Variants in KCNH7 observed in about 807,000 individuals in gnomAD.
The protein encoded by KCNH7 is potassium voltage-gated channel subfamily H member 7, also known as voltage-gated inwardly rectifying potassium channel KCNH7.
KCNH7 carries 49 observed loss-of-function variants against 120.8 expected under a neutral mutation model. The ratio of observed to expected loss-of-function variants is 0.41; its 90% CI spans 0.32 to 0.51. The LOEUF is 0.51. Ranked by LOEUF, KCNH7 falls within the 20% of genes least tolerant of loss-of-function variation. KCNH7 has a pLI of 0.38. For missense variants in KCNH7, 1,097 were observed against 1,446.6 expected (o/e 0.76, Z 3.92); for synonymous variants, 547 against 516.1 (o/e 1.06, Z -0.81).
At chr2:162,821,925 C>T (rs977674012) in intron 2 of KCNH7, among the ~76,000 whole-genome samples, 1 of 151,674 alleles carries the variant, frequency 6.6e-6, no homozygotes, top group Admixed American at 6.6e-5. Context: ...AAACACCATA[C>T]TGAAATTGTT....
intron 2 of KCNH7, among the ~76,000 whole-genome samples, chr2:162,611,397 C>T (rs912048069): frequency 6.6e-6 from 1 of 152,218 alleles, no homozygotes; most frequent in South Asian, 2.1e-4. Context: ...TGACTTTTGC[C>T]TTCTGGTACA....
chr2:162,428,800 G>T (rs1212730355), intron 8 of KCNH7, among the ~76,000 whole-genome samples: 1 of 151,726 alleles, frequency 6.6e-6, no homozygotes, highest in South Asian at 2.1e-4. Flanking sequence ...AGTTAATAAC[G>T]CTACATTGTC....
chr2:162,690,321 C>G (rs1360164597), intron 2 of KCNH7, among the ~76,000 whole-genome samples: 1 of 152,012 alleles, frequency 6.6e-6, no homozygotes, highest in Admixed American at 6.6e-5. Context: ...GTACAACAAA[C>G]CCCCATGACA....
intron 2 of KCNH7, among the ~76,000 whole-genome samples, chr2:162,560,875 G>A (rs1693037765): frequency 1.3e-5 from 2 of 152,144 alleles, no homozygotes; most frequent in African/African-American, 4.8e-5. Flanking sequence ...TTTAAAAGGT[G>A]ACTCTTTAGC....
chr2:162,380,403 G>C (rs1686375462), intron 13 of KCNH7, among the ~76,000 whole-genome samples: 1 of 152,024 alleles, frequency 6.6e-6, no homozygotes, highest in African/African-American at 2.4e-5. Context: ...ATTATCTAGG[G>C]TTTAAGATTT....
Position 162,383,182 on chromosome 2 carries a change from A to G in KCNH7, c.2962+1506T>C, listed in dbSNP as rs866172516. 3.9e-5 allele frequency among the ~76,000 whole-genome samples: 6 copies of G among 152,074 alleles called. No individual in the cohort carries two copies. The Middle Eastern group carries it at 0.01, about 259-fold the overall frequency. On this transcript the variant is annotated intron_variant, in intron 13 of 15. Transcript: ENST00000332142. Reference sequence around the variant, plus strand: ...TTGAGACTCTAAAACTCAAGGGGAAAACAACAAGCATTCTTATTAGGTTCA... The same window carrying G: ...TTGAGACTCTAAAACTCAAGGGGAAGACAACAAGCATTCTTATTAGGTTCA...
chr2:162,811,759 A>C (rs1684741082), intron 2 of KCNH7, among the ~76,000 whole-genome samples: 1 of 152,166 alleles, frequency 6.6e-6, no homozygotes, highest in Admixed American at 6.5e-5. Context: ...TTAAGAGCTA[A>C]AGTTGGCAAA....
intron 2 of KCNH7, among the ~76,000 whole-genome samples, chr2:162,833,565 A>G (rs962012680): frequency 5.9e-5 from 9 of 152,180 alleles, no homozygotes; most frequent in African/African-American, 1.7e-4. Flanking sequence ...ACTGTAAAAT[A>G]GAATCCTCAA....
chr2:162,516,379 G>T (rs571524253), intron 4 of KCNH7, among the ~76,000 whole-genome samples: 7 of 151,920 alleles, frequency 4.6e-5, no homozygotes, highest in East Asian at 3.9e-4. Context: ...GTAGTGTAAG[G>T]AGAGACAAAG....
intron 2 of KCNH7, among the ~76,000 whole-genome samples, chr2:162,675,221 A>T (rs186177964): frequency 7.9e-5 from 12 of 151,628 alleles, no homozygotes; most frequent in Admixed American, 3.3e-4. Context: ...CTAAGAGATG[A>T]TCAGCACAAT....
At chr2:162,684,418 C>A (rs946191475) in intron 2 of KCNH7, among the ~76,000 whole-genome samples, 3 of 151,984 alleles carry the variant, frequency 2.0e-5, no homozygotes, top group Non-Finnish European at 4.4e-5. Context: ...AGGCAACCTA[C>A]GGAAAGGGAG....
intron 2 of KCNH7, among the ~76,000 whole-genome samples, chr2:162,701,555 G>T (rs926458113): frequency 1.3e-5 from 2 of 152,094 alleles, no homozygotes; most frequent in Non-Finnish European, 2.9e-5. Flanking sequence ...AGATATGACA[G>T]AAATGGCTAT....
At chr2:162,823,122 C>CAGATGGT (rs1413763704) in intron 2 of KCNH7, among the ~76,000 whole-genome samples, 14 of 152,050 alleles carry the variant, frequency 9.2e-5, no homozygotes, top group Non-Finnish European at 1.8e-4. Flanking sequence ...AGTCTGCACT[C>CAGATGGT]AGATGGTAGC....
At chr2:162,734,559 T>C (rs900613092) in intron 2 of KCNH7, among the ~76,000 whole-genome samples, 6 of 152,164 alleles carry the variant, frequency 3.9e-5, no homozygotes, top group Non-Finnish European at 7.4e-5. Flanking sequence ...ACCATGATTC[T>C]CTTCAACATG....
intron 2 of KCNH7, among the ~76,000 whole-genome samples, chr2:162,773,255 A>G (rs1221028138): frequency 6.6e-6 from 1 of 152,194 alleles, no homozygotes; most frequent in Admixed American, 6.5e-5. Context: ...TGGGAGGCCG[A>G]GGCAGGCTGA....
intron 2 of KCNH7, among the ~76,000 whole-genome samples, chr2:162,807,283 A>AAG (rs71009372): frequency 2.7e-5 from 4 of 148,562 alleles, no homozygotes; most frequent in South Asian, 2.1e-4. Flanking sequence ...AAAAAAAAAA[A>AAG]CAAATTAGCC....
At chr2:162,551,980 A>G (rs918029136) in intron 2 of KCNH7, among the ~76,000 whole-genome samples, 3 of 152,174 alleles carry the variant, frequency 2.0e-5, no homozygotes, top group African/African-American at 7.2e-5. Context: ...TGACTCCTCT[A>G]TTGGAGACTT....
chr2:162,795,795 G>A (rs1684124046), intron 2 of KCNH7: 1 of 151,996 alleles, frequency 6.6e-6, no homozygotes, highest in African/African-American at 2.4e-5. Flanking sequence ...TGCTCTGACT[G>A]GTTCTATTTT....
At chr2:162,587,598 C>T (rs1694060702) in intron 2 of KCNH7, among the ~76,000 whole-genome samples, 1 of 152,156 alleles carries the variant, frequency 6.6e-6, no homozygotes, top group South Asian at 2.1e-4. Flanking sequence ...CACGCAAGCA[C>T]ATTGTGTCAT....
Sources: gnomAD v4.1 joint callset for allele counts (sites outside exome capture counted in the v4.1 genomes callset) on GRCh38, gnomAD v4.1.1 for gene constraint, MANE v1.5 for transcripts, NCBI Gene and HGNC (gene_info 2026-07-23, HGNC 2026-07-21) for gene names.